The following SCGN variants were observed in gnomAD, a reference collection of about 807,000 sequenced individuals.
SCGN encodes the protein secretagogin, EF-hand calcium binding protein.
Under a neutral mutation model 39.7 loss-of-function variants are expected in SCGN, and 30 were observed. That is an observed-to-expected ratio of 0.76 (90% confidence interval 0.57 to 1.03). SCGN has a LOEUF of 1.03. SCGN is among the 50% of genes least tolerant of loss of function. The pLI is 0.00. For missense variants in SCGN, 353 were observed against 349.4 expected (o/e 1.01, Z -0.08); for synonymous variants, 106 against 114.1 (o/e 0.93, Z 0.45).
intron 7 of SCGN, among the ~76,000 whole-genome samples, chr6:25,683,159 A>G (rs1561767793): frequency 6.6e-6 from 1 of 152,128 alleles, no homozygotes; most frequent in Non-Finnish European, 1.5e-5. Flanking sequence ...CCAAAGAGGG[A>G]CAAAAGTGTT....
rs143719979 is a variant in SCGN, at chr6:25,670,054, T to A, written c.449T>A (p.Leu150Gln). The A allele has an allele frequency of 2.5e-4, 398 of 1,613,104 alleles. 1 individual carries two copies. In the African/African-American group the frequency reaches 4.2e-3, roughly 17 times the overall value. The stretch of plus-strand genomic sequence containing the variant: ...AAAAAGGCCATTTCTGAGGCTAAAC[T>A]GGAAGAATACACTGGCACCATGGTA... ...HHKKAISEAK[L>Q]EEYTGTMMKI... The change falls in exon 6 of 11, where the codon CTG (leucine) becomes CAG (glutamine). Residue 150 changes from leucine to glutamine, a missense_variant. Physicochemically the swap from Leu to Gln is moderately radical, Grantham distance 113. Coordinates refer to ENST00000377961, the MANE Select transcript of SCGN (RefSeq NM_006998.4).
In SCGN at chr6:25,701,217, G is replaced by A. The variant is rs752084385; in HGVS notation, c.713G>A (p.Ser238Asn). 5 of 1,611,490 alleles carry A rather than the reference G, an allele frequency of 3.1e-6. No homozygotes were observed. The African/African-American group carries it at 4.0e-5, about 13-fold the overall frequency. Residue 238 changes from serine (S) to asparagine (N), a missense_variant, in exon 11 of 11, where the codon AGC becomes AAC. Coordinates refer to ENST00000377961, the MANE Select transcript of SCGN (RefSeq NM_006998.4). Reference sequence around the variant, plus strand: ...TTTTGTCGCCCTCAGCCCAGCATCAGCGGGGTGGACCTTGATAAGTTCCGC... The same window carrying A: ...TTTTGTCGCCCTCAGCCCAGCATCAACGGGGTGGACCTTGATAAGTTCCGC... ...DMMELVQPSISGVDLDKFREI... is the reference protein window; with the variant it reads ...DMMELVQPSINGVDLDKFREI...
rs1760146061 is a variant in SCGN, at chr6:25,652,245, C to CAG, written c.-158_-157insGA. ...GGGCTGAGGGACGGCTCAGCGACGC[C>CAG]ACGGCCAGCAGCGCTCGCGTCCTCC... On this transcript the variant is annotated 5_prime_UTR_variant, in exon 1 of 11. Coordinates refer to ENST00000377961, the MANE Select transcript of SCGN (RefSeq NM_006998.4). The CAG allele has an allele frequency of 3.2e-6, 2 of 630,276 alleles. No individual in the cohort carries two copies. The highest frequency in any genetic ancestry group is 5.6e-5 in the East Asian group (2 of 35,516). 39.0% of individuals were successfully genotyped at this position (630,276 alleles called of 1,614,324 possible). A position where few individuals can be genotyped will look rare whatever the true frequency, so the allele number is the denominator to read the frequency against.
At chr6:25,696,125 G>C (rs1018861669) in intron 10 of SCGN, among the ~76,000 whole-genome samples, 3 of 152,170 alleles carry the variant, frequency 2.0e-5, no homozygotes, top group African/African-American at 4.8e-5. Context: ...TCTTGTTATT[G>C]ATAGATTCAG....
At chr6:25,701,164 AC>A in intron 10 of SCGN, 42 bp from the exon 11 acceptor site, 1 of 1,579,356 alleles carries the variant, frequency 6.3e-7, no homozygotes, top group Non-Finnish European at 8.6e-7. Context: ...GGGTGAGAAC[AC>A]CATTGGCTTG....
At position 25,701,583 on chromosome 6, in the gene SCGN, G is replaced by C; in HGVS notation, c.*248G>C. 2.9e-6 allele frequency: 1 copy of C among 340,642 alleles called. No individual in the cohort carries two copies. The highest frequency in any genetic ancestry group is 5.2e-6 in the Non-Finnish European group (1 of 190,638). 21.1% of individuals were successfully genotyped at this position (340,642 alleles called of 1,614,324 possible). A position where few individuals can be genotyped will look rare whatever the true frequency, so the allele number is the denominator to read the frequency against. ...GCTTTCCTATCCTCCCAAAGACTCA[G>C]CTCCCCTGTTAGATGGCTCTGCCTG... is the stretch of plus-strand genomic sequence containing the variant. On this transcript the variant is annotated 3_prime_UTR_variant, in exon 11 of 11. Transcript: ENST00000377961.
chr6:25,654,050 GTC>G (rs577892545), intron 2 of SCGN, among the ~76,000 whole-genome samples: 31 of 152,286 alleles, frequency 2.0e-4, no homozygotes, highest in Non-Finnish European at 3.7e-4. Flanking sequence ...ACTCTTGAAA[GTC>G]TCTCTATCAA....
At chr6:25,673,567 ATCAGAGTGATC>A (rs1266516034) in intron 6 of SCGN, among the ~76,000 whole-genome samples, 1 of 152,218 alleles carries the variant, frequency 6.6e-6, no homozygotes, top group Non-Finnish European at 1.5e-5. Flanking sequence ...GCTGAGGGAA[ATCAGAGTGATC>A]TCACCCAATG....
chr6:25,658,547 A>T lies in SCGN; in HGVS notation c.154-3005A>T, dbSNP rs138907847. 1.4e-3 allele frequency among the ~76,000 whole-genome samples: 208 copies of T among 152,320 alleles called. 10 individuals carry two copies. In the East Asian group the frequency reaches 0.035, roughly 26 times the overall value. On this transcript the variant is annotated intron_variant, in intron 2 of 10. Transcript: ENST00000377961. Reference sequence around the variant, plus strand: ...CACAGATCCATTTGACTGATACATCATCTCAATCACAAATGCTACTGGTTT... The same window carrying T: ...CACAGATCCATTTGACTGATACATCTTCTCAATCACAAATGCTACTGGTTT...
chr6:25,663,799 A>G (rs545105711), intron 3 of SCGN, among the ~76,000 whole-genome samples: 10 of 152,318 alleles, frequency 6.6e-5, no homozygotes, highest in African/African-American at 2.4e-4. Flanking sequence ...CCTGCCATGT[A>G]GCAGGCACTC....
intron 4 of SCGN, among the ~76,000 whole-genome samples, chr6:25,668,573 T>C (rs1759432450): frequency 6.6e-6 from 1 of 152,216 alleles, no homozygotes; most frequent in Non-Finnish European, 1.5e-5. Flanking sequence ...ATTTTAGTTT[T>C]GAAGTTTTAG....
chr6:25,674,918 A>G (rs1435220873), intron 6 of SCGN, among the ~76,000 whole-genome samples: 1 of 152,236 alleles, frequency 6.6e-6, no homozygotes, highest in African/African-American at 2.4e-5. Context: ...ACTTTTGTTA[A>G]ATTTAAGCTA....
At chr6:25,689,593 A>G (rs1218243846) in intron 9 of SCGN, 61 bp downstream of exon 9, 2 of 1,362,392 alleles carry the variant, frequency 1.5e-6, no homozygotes, top group South Asian at 1.2e-5. Flanking sequence ...TTTAACCCCT[A>G]TGTGGAGCCA....
chr6:25,658,685 A>G (rs1186883334), intron 2 of SCGN, among the ~76,000 whole-genome samples: 2 of 152,234 alleles, frequency 1.3e-5, no homozygotes, highest in Non-Finnish European at 2.9e-5. Flanking sequence ...TTTATTTCAA[A>G]TAAAGTTTAT....
chr6:25,680,889 C>T (rs1378312834), intron 6 of SCGN, among the ~76,000 whole-genome samples: 3 of 152,130 alleles, frequency 2.0e-5, no homozygotes. Context: ...GATTTGGAGA[C>T]AGAGGAAGGA....
intron 4 of SCGN, among the ~76,000 whole-genome samples, chr6:25,665,845 T>G (rs546525809): frequency 6.6e-6 from 1 of 151,054 alleles, no homozygotes; most frequent in East Asian, 1.9e-4. Context: ...GATTTTTTTT[T>G]AAGCAAAATG....
chr6:25,654,934 T>C (rs1760201572), intron 2 of SCGN, among the ~76,000 whole-genome samples: 1 of 152,176 alleles, frequency 6.6e-6, no homozygotes, highest in African/African-American at 2.4e-5. Flanking sequence ...TTCATTCTTG[T>C]ACCTACACAA....
intron 2 of SCGN, among the ~76,000 whole-genome samples, chr6:25,659,226 G>T (rs896963692): frequency 6.6e-6 from 1 of 152,142 alleles, no homozygotes; most frequent in Non-Finnish European, 1.5e-5. Flanking sequence ...TAAAGCTTGT[G>T]GTTATCTAAC....
intron 6 of SCGN, among the ~76,000 whole-genome samples, chr6:25,670,805 C>G (rs115138375): frequency 0.013 from 1,997 of 152,300 alleles, 27 homozygotes; most frequent in African/African-American, 0.036. Flanking sequence ...CTTTGGCGAA[C>G]TCATCCTCAT....
Sources: gnomAD v4.1 joint callset for allele counts (sites outside exome capture counted in the v4.1 genomes callset) on GRCh38, gnomAD v4.1.1 for gene constraint, MANE v1.5 for transcripts, NCBI Gene and HGNC (gene_info 2026-07-23, HGNC 2026-07-21) for gene names.